The following KIRREL3 variants were observed in gnomAD, a reference collection of about 807,000 sequenced individuals.
KIRREL3 encodes the protein kirre like nephrin family adhesion molecule 3.
KIRREL3 carries 36 observed loss-of-function variants against 89.7 expected under a neutral mutation model. That is an observed-to-expected ratio of 0.40 (90% CI 0.31 to 0.53). The LOEUF (loss-of-function observed/expected upper bound fraction) is 0.53. Ranked by LOEUF, KIRREL3 falls within the 20% of genes least tolerant of loss-of-function variation. The probability of loss-of-function intolerance (pLI) is 0.49; values close to 1 mark genes in which losing one functional copy is unlikely to be tolerated. For synonymous variants in KIRREL3, 445 were observed against 441.4 expected (o/e 1.01, Z -0.10); for missense variants, 864 against 1,056.6 (o/e 0.82, Z 2.53).
At position 126,528,754 on chromosome 11, in the gene KIRREL3, G is replaced by A. The variant is rs1438201980; in HGVS notation, c.134-2067C>T. Among the ~76,000 whole-genome samples, 2 of 149,796 alleles carry A rather than the reference G, an allele frequency of 1.3e-5. No homozygotes were observed. Among genetic ancestry groups the A allele is most frequent in the East Asian group, 4.0e-4 (2 of 4,960 alleles). ...AGAGGAGAAGGGGAGAGGAGGGAGGGACTGGAGAGAGAGCAAAGGAGTGAA... is the reference window on the plus strand; with the variant it reads ...AGAGGAGAAGGGGAGAGGAGGGAGGAACTGGAGAGAGAGCAAAGGAGTGAA... On this transcript the variant is annotated intron_variant, in intron 2 of 16. Coordinates refer to ENST00000525144, the MANE Select transcript of KIRREL3 (RefSeq NM_032531.4). The surrounding 1 kb of genome is among the most constrained non-coding windows in gnomAD (Gnocchi z 4.6).
chr11:126,629,296 C>T (rs989274885), intron 1 of KIRREL3, among the ~76,000 whole-genome samples: 4 of 152,142 alleles, frequency 2.6e-5, no homozygotes, highest in East Asian at 3.9e-4. Context: ...CAGATGTCCT[C>T]ACCCCAGGAA....
chr11:126,859,228 G>A (rs574314603), intron 1 of KIRREL3, among the ~76,000 whole-genome samples: 2 of 152,198 alleles, frequency 1.3e-5, no homozygotes, highest in Admixed American at 6.5e-5. Flanking sequence ...GTGAAAAGTG[G>A]TAATGATAAT....
chr11:126,520,605 G>A lies in KIRREL3; in HGVS notation c.433+710C>T, dbSNP rs1228342634. 2.0e-5 allele frequency among the ~76,000 whole-genome samples: 3 copies of A among 152,144 alleles called. No individual in the cohort carries two copies. The highest frequency in any genetic ancestry group is 6.5e-5 in the Admixed American group (1 of 15,268). The stretch of plus-strand genomic sequence containing the variant: ...ATTTGGCCAGAGGAGGGAGACTCCC[G>A]GGACTGAACTCTAAATCAGAACTAG... On this transcript the variant is annotated intron_variant, in intron 4 of 16. Transcript: ENST00000525144. This position sits in a 1 kb window ranked among gnomAD's most constrained non-coding sequence, Gnocchi z 4.9.
At chr11:126,478,672 T>C (rs1216241056) in intron 4 of KIRREL3, among the ~76,000 whole-genome samples, 1 of 152,144 alleles carries the variant, frequency 6.6e-6, no homozygotes, top group Non-Finnish European at 1.5e-5. Context: ...TATATATGTA[T>C]GTGTATGTAT....
At chr11:126,637,343 A>G (rs184436744) in intron 1 of KIRREL3, among the ~76,000 whole-genome samples, 2 of 152,196 alleles carry the variant, frequency 1.3e-5, no homozygotes, top group Admixed American at 6.5e-5. Context: ...CCTCTTCTGC[A>G]TGTTCCAAAT....
Position 126,990,610 on chromosome 11 carries a change from T to C in KIRREL3, c.55+9845A>G, listed in dbSNP as rs1040649342. Among the ~76,000 whole-genome samples the C allele has an allele frequency of 2.0e-5, 3 of 152,220 alleles. No individual in the cohort carries two copies. Among genetic ancestry groups the C allele is most frequent in the African/African-American group, 7.2e-5 (3 of 41,472 alleles). ...CACCTGGCGTCAGGGCCCAAAATAG[T>C]GCCCCAGCTCTTGGTGCGGCTTCAG... On this transcript the variant is annotated intron_variant, in intron 1 of 16. Transcript: ENST00000525144. This position sits in a 1 kb window ranked among gnomAD's most constrained non-coding sequence, Gnocchi z 6.3.
chr11:126,529,860 T>G (rs1958889012), intron 2 of KIRREL3, among the ~76,000 whole-genome samples: 1 of 35,060 alleles, frequency 2.9e-5, no homozygotes, highest in Non-Finnish European at 5.5e-5. Context: ...AACCAATGAG[T>G]TTTTTTTTTT....
chr11:126,799,837 C>T (rs1950976418), intron 1 of KIRREL3, among the ~76,000 whole-genome samples: 1 of 152,080 alleles, frequency 6.6e-6, no homozygotes, highest in South Asian at 2.1e-4. Context: ...GTCTGCTTTC[C>T]AGGGATTGGG....
chr11:126,557,985 T>A lies in KIRREL3; in HGVS notation c.133+4850A>T, dbSNP rs1296090524. ...CTCACAAGTATTTCGTCCTGAAAGATGAAAGGGACAGCACCCAGAGGCATT... is the reference window on the plus strand; with the variant it reads ...CTCACAAGTATTTCGTCCTGAAAGAAGAAAGGGACAGCACCCAGAGGCATT... On this transcript the variant is annotated intron_variant, in intron 2 of 16. Transcript: ENST00000525144. The surrounding 1 kb of genome is among the most constrained non-coding windows in gnomAD (Gnocchi z 5.6). Among the ~76,000 whole-genome samples, 4 of 152,218 alleles carry A rather than the reference T, an allele frequency of 2.6e-5. No homozygotes were observed. The highest frequency in any genetic ancestry group is 9.6e-5 in the African/African-American group (4 of 41,456).
chr11:126,603,879 C>A (rs567588242), intron 1 of KIRREL3, among the ~76,000 whole-genome samples: 1 of 152,172 alleles, frequency 6.6e-6, no homozygotes, highest in Non-Finnish European at 1.5e-5. Flanking sequence ...TTACCCATGT[C>A]TCCCCAAATA....
rs1297628486 is a variant in KIRREL3, at chr11:126,620,192, T to C, written c.56-57280A>G. 6.6e-6 allele frequency among the ~76,000 whole-genome samples: 1 copy of C among 152,084 alleles called. No individual in the cohort carries two copies. The highest frequency in any genetic ancestry group is 1.9e-4 in the East Asian group (1 of 5,162). ...CTACTTTCTTCCTTCTTAAAATTTT[T>C]CCAATCAGCTATTATAGTTCCCTTT... is the stretch of plus-strand genomic sequence containing the variant. On this transcript the variant is annotated intron_variant, in intron 1 of 16. Transcript: ENST00000525144. The surrounding 1 kb of genome is among the most constrained non-coding windows in gnomAD (Gnocchi z 4.8).
chr11:126,450,958 A>G (rs1282833558), intron 7 of KIRREL3, among the ~76,000 whole-genome samples: 1 of 102,352 alleles, frequency 9.8e-6, no homozygotes, highest in South Asian at 3.1e-4. Flanking sequence ...TGCATGTGTG[A>G]GCGTGTGCAT....
At chr11:126,479,205 G>A (rs1056211948) in intron 4 of KIRREL3, among the ~76,000 whole-genome samples, 1 of 152,110 alleles carries the variant, frequency 6.6e-6, no homozygotes, top group Admixed American at 6.5e-5. Context: ...AGTGGAGGGA[G>A]GATGCCGAAG....
At chr11:126,461,650 C>T (rs1219907669) in intron 6 of KIRREL3, among the ~76,000 whole-genome samples, 1 of 152,124 alleles carries the variant, frequency 6.6e-6, no homozygotes, top group African/African-American at 2.4e-5. Flanking sequence ...TTCTTCTGCC[C>T]TCTGGAATCT....
In KIRREL3 at chr11:126,908,098, G is replaced by A. The variant is rs1274848777; in HGVS notation, c.55+92357C>T. Among the ~76,000 whole-genome samples the A allele has an allele frequency of 2.6e-5, 4 of 152,190 alleles. No individual in the cohort carries two copies. The highest frequency in any genetic ancestry group is 5.9e-5 in the Non-Finnish European group (4 of 68,020). On this transcript the variant is annotated intron_variant, in intron 1 of 16. Coordinates refer to ENST00000525144, the MANE Select transcript of KIRREL3 (RefSeq NM_032531.4). The surrounding 1 kb of genome is among the most constrained non-coding windows in gnomAD (Gnocchi z 4.2). ...AGTACCTAACATATAAATCTGTTATGTATGTTGTTTATGATCCTGCCCCCT... is the reference window on the plus strand; with the variant it reads ...AGTACCTAACATATAAATCTGTTATATATGTTGTTTATGATCCTGCCCCCT...
Position 126,995,428 on chromosome 11 carries a change from T to C in KIRREL3, c.55+5027A>G, listed in dbSNP as rs900346051. 1 of 418,218 alleles carries C rather than the reference T, an allele frequency of 2.4e-6. No individual in the cohort carries two copies. The highest frequency in any genetic ancestry group is 7.1e-5 in the East Asian group (1 of 14,040). 25.9% of individuals were successfully genotyped at this position (418,218 alleles called of 1,614,324 possible). ...AGTTCAGTGCCTCTCTGTTTCTTGA[T>C]GGACCCCAATAAAAAAACGCCTGCA... On this transcript the variant is annotated intron_variant, in intron 1 of 16. Transcript: ENST00000525144. This position sits in a 1 kb window ranked among gnomAD's most constrained non-coding sequence, Gnocchi z 6.5.
chr11:126,681,884 T>G lies in KIRREL3; in HGVS notation c.56-118972A>C, dbSNP rs1489594424. On this transcript the variant is annotated intron_variant, in intron 1 of 16. Transcript: ENST00000525144. ...AGAAGTACTTTGCAAACAAATCAAA[T>G]GTACGTTTAGGAAGATGAAATCATG... 1.3e-5 allele frequency: 6 copies of G among 455,296 alleles called. No homozygotes were observed. The East Asian group carries it at 4.2e-4, about 32-fold the overall frequency. The allele number at this position is 455,296 out of a possible 1,614,324, so 28.2% of individuals were successfully genotyped here.
Position 126,677,778 on chromosome 11 carries a change from C to T in KIRREL3, c.56-114866G>A, listed in dbSNP as rs1946263593. Among the ~76,000 whole-genome samples the T allele has an allele frequency of 6.6e-6, 1 of 152,140 alleles. No homozygotes were observed. On this transcript the variant is annotated intron_variant, in intron 1 of 16. Transcript: ENST00000525144. The surrounding 1 kb of genome is among the most constrained non-coding windows in gnomAD (Gnocchi z 5.1). Reference sequence around the variant, plus strand: ...TTCCAGGAACAACTGCACATTTGTCCACTGGTTGGAGTGAGCCTCCCCCTT... The same window carrying T: ...TTCCAGGAACAACTGCACATTTGTCTACTGGTTGGAGTGAGCCTCCCCCTT...
At chr11:126,675,655 G>A (rs1263089952) in intron 1 of KIRREL3, among the ~76,000 whole-genome samples, 1 of 152,220 alleles carries the variant, frequency 6.6e-6, no homozygotes, top group East Asian at 1.9e-4. Context: ...CAAAGAGCCT[G>A]CTTCCTGGAT....
Sources: gnomAD v4.1 joint callset for allele counts (sites outside exome capture counted in the v4.1 genomes callset) on GRCh38, gnomAD v4.1.1 for gene constraint, Gnocchi (gnomAD v3.1) non-coding constraint, MANE v1.5 for transcripts, NCBI Gene and HGNC (gene_info 2026-07-23, HGNC 2026-07-21) for gene names.